COX10: variants seen among roughly 807,000 people sequenced by gnomAD.
The protein encoded by COX10 is protoheme IX farnesyltransferase, mitochondrial.
A neutral mutation model predicts 37.3 loss-of-function variants in COX10; 27 were observed. The ratio of observed to expected loss-of-function variants is 0.72; its 90% CI spans 0.53 to 1.00. The LOEUF is 1.00. COX10 is among the 50% of genes least tolerant of loss of function. COX10 has a pLI of 0.00. For missense variants in COX10, 475 were observed against 563.2 expected (o/e 0.84, Z 1.59); for synonymous variants, 222 against 229.1 (o/e 0.97, Z 0.28).
At chr17:14,128,817 C>T (rs1050711206) in intron 4 of COX10, among the ~76,000 whole-genome samples, 2 of 152,088 alleles carry the variant, frequency 1.3e-5, no homozygotes, top group Admixed American at 1.3e-4. Flanking sequence ...TCTCAAGGCA[C>T]GTTTCAAAAA....
chr17:14,079,075 G>A (rs1039140290), intron 3 of COX10, among the ~76,000 whole-genome samples: 1 of 152,150 alleles, frequency 6.6e-6, no homozygotes, highest in Non-Finnish European at 1.5e-5. Flanking sequence ...TCTTGGCTCT[G>A]ACATTTACTA....
chr17:14,176,161 A>C (rs1402354580), intron 5 of COX10, among the ~76,000 whole-genome samples: 1 of 151,946 alleles, frequency 6.6e-6, no homozygotes, highest in African/African-American at 2.4e-5. Context: ...GCTGTTACTC[A>C]GCTCAAAATT....
At chr17:14,162,514 TGA>T (rs1905190078) in intron 5 of COX10, among the ~76,000 whole-genome samples, 1 of 152,210 alleles carries the variant, frequency 6.6e-6, no homozygotes, top group Non-Finnish European at 1.5e-5. Flanking sequence ...ATTAGTGATT[TGA>T]CTGTCAAAGA....
intron 4 of COX10, among the ~76,000 whole-genome samples, chr17:14,130,552 A>G (rs897197242): frequency 2.0e-5 from 3 of 152,062 alleles, no homozygotes; most frequent in African/African-American, 7.2e-5. Flanking sequence ...CAGCTCTTTC[A>G]TATGTAAACT....
At chr17:14,076,023 C>T (rs2142181637) in intron 2 of COX10, among the ~76,000 whole-genome samples, 1 of 148,910 alleles carries the variant, frequency 6.7e-6, no homozygotes, top group South Asian at 2.1e-4. Context: ...TCATTCAGCC[C>T]TGGATTATGC....
chr17:14,071,251 A>G (rs1215346797), intron 1 of COX10, among the ~76,000 whole-genome samples: 2 of 152,110 alleles, frequency 1.3e-5, no homozygotes, highest in African/African-American at 2.4e-5. Flanking sequence ...CTATAGGACA[A>G]TTCTGCTTGA....
At chr17:14,123,355 A>G (rs112639718) in intron 4 of COX10, among the ~76,000 whole-genome samples, 1 of 152,178 alleles carries the variant, frequency 6.6e-6, no homozygotes, top group Non-Finnish European at 1.5e-5. Flanking sequence ...CTGAAGTCCA[A>G]AATGCTAAAT....
intron 4 of COX10, among the ~76,000 whole-genome samples, chr17:14,125,925 A>T (rs990094505): frequency 5.3e-5 from 8 of 152,182 alleles, no homozygotes; most frequent in Non-Finnish European, 1.0e-4. Flanking sequence ...AACTCTGCTC[A>T]CTAAATCTAT....
At chr17:14,149,265 T>C (rs1369400764) in intron 4 of COX10, among the ~76,000 whole-genome samples, 1 of 152,036 alleles carries the variant, frequency 6.6e-6, no homozygotes, top group Non-Finnish European at 1.5e-5. Flanking sequence ...TTATATCAAT[T>C]AGTGCCCTTC....
intron 4 of COX10, among the ~76,000 whole-genome samples, chr17:14,130,844 C>T (rs1238386409): frequency 6.6e-6 from 1 of 151,982 alleles, no homozygotes; most frequent in Non-Finnish European, 1.5e-5. Flanking sequence ...ACTAAATAGT[C>T]TCGTCATCTC....
At chr17:14,149,607 T>C (rs1904830286) in intron 4 of COX10, among the ~76,000 whole-genome samples, 1 of 152,134 alleles carries the variant, frequency 6.6e-6, no homozygotes, top group South Asian at 2.1e-4. Context: ...TAAGCAGAAA[T>C]AAACTAGTTT....
intron 1 of COX10, 23 bp downstream of exon 1, chr17:14,069,671 G>A (rs752670109): frequency 6.2e-7 from 1 of 1,613,880 alleles, no homozygotes; most frequent in South Asian, 1.1e-5. Flanking sequence ...CCTTGGGCAC[G>A]ACCTTGGGGG....
At chr17:14,125,419 G>A (rs1916321054) in intron 4 of COX10, among the ~76,000 whole-genome samples, 1 of 152,168 alleles carries the variant, frequency 6.6e-6, no homozygotes, top group South Asian at 2.1e-4. Context: ...GCCATTAACA[G>A]GGAAACAATT....
intron 6 of COX10, among the ~76,000 whole-genome samples, chr17:14,194,639 A>T (rs1185644077): frequency 6.6e-6 from 1 of 152,098 alleles, no homozygotes; most frequent in East Asian, 1.9e-4. Context: ...ATTGGCCAGG[A>T]TGGTCTCTAT....
chr17:14,130,158 T>A (rs1275339898), intron 4 of COX10, among the ~76,000 whole-genome samples: 3 of 152,222 alleles, frequency 2.0e-5, no homozygotes, highest in East Asian at 1.9e-4. Flanking sequence ...GAAGTAATTA[T>A]CTTAGAGGTG....
At chr17:14,143,177 T>G (rs1280403317) in intron 4 of COX10, among the ~76,000 whole-genome samples, 2 of 152,196 alleles carry the variant, frequency 1.3e-5, no homozygotes, top group African/African-American at 4.8e-5. Flanking sequence ...TGTTGTCTTC[T>G]TAAGACCTCT....
At chr17:14,179,980 GT>G (rs543894215) in intron 5 of COX10, among the ~76,000 whole-genome samples, 341 of 152,308 alleles carry the variant, frequency 2.2e-3, no homozygotes, top group South Asian at 0.013. Flanking sequence ...TGAATGGATT[GT>G]TTAGTTGGCA....
intron 5 of COX10, among the ~76,000 whole-genome samples, chr17:14,183,598 C>T (rs1489217712): frequency 6.6e-6 from 1 of 152,254 alleles, no homozygotes; most frequent in African/African-American, 2.4e-5. Context: ...TTTCAATATA[C>T]CACTTTTTGT....
chr17:14,138,973 G>A (rs550133058), intron 4 of COX10, among the ~76,000 whole-genome samples: 3 of 152,206 alleles, frequency 2.0e-5, no homozygotes, highest in South Asian at 2.1e-4. Flanking sequence ...CAAGCAGTAC[G>A]ACCTCGATCA....
Sources: gnomAD v4.1 joint callset for allele counts (sites outside exome capture counted in the v4.1 genomes callset) on GRCh38, gnomAD v4.1.1 for gene constraint, MANE v1.5 for transcripts, NCBI Gene and HGNC (gene_info 2026-07-23, HGNC 2026-07-21) for gene names.